Variants in CAP1 observed in about 807,000 individuals in gnomAD.
The protein encoded by CAP1 is adenylyl cyclase-associated protein 1.
CAP1 carries 11 observed loss-of-function variants against 58.2 expected under a neutral mutation model. The ratio of observed to expected loss-of-function variants is 0.19; its 90% CI spans 0.12 to 0.31. The LOEUF (loss-of-function observed/expected upper bound fraction) is 0.31, where lower values mean the gene tolerates loss of function less well. Ranked by LOEUF, CAP1 falls within the 10% of genes least tolerant of loss-of-function variation. The probability of loss-of-function intolerance (pLI) is 1.00; values close to 1 mark genes in which losing one functional copy is unlikely to be tolerated. For missense variants in CAP1, 423 were observed against 587.5 expected, an observed-to-expected ratio of 0.72 and a Z score of 2.89; for synonymous variants, 183 against 213.8, an observed-to-expected ratio of 0.86 and a Z score of 1.26.
In CAP1 at chr1:40,044,185, G is replaced by A. The variant is rs531347738; in HGVS notation, c.-11+3384G>A. On this transcript the variant is annotated intron_variant, in intron 1 of 12. Transcript: ENST00000372805. The stretch of plus-strand genomic sequence containing the variant: ...GCTTTTAAAAAGTGACTTTCTTGAG[G>A]CTGAGTTAGAGACTAGCCTGGTCAA... Among the ~76,000 whole-genome samples, 59 of 152,032 alleles carry A rather than the reference G, an allele frequency of 3.9e-4. No homozygotes were observed. In the South Asian group the frequency reaches 8.7e-3, roughly 23 times the overall value.
intron 1 of CAP1, among the ~76,000 whole-genome samples, chr1:40,048,766 A>G (rs987570385): frequency 3.9e-5 from 6 of 152,194 alleles, no homozygotes; most frequent in Admixed American, 3.3e-4. Flanking sequence ...CATTGCAGCA[A>G]ACATCTCCAT....
intron 4 of CAP1, among the ~76,000 whole-genome samples, chr1:40,062,969 C>T (rs1646918516): frequency 6.6e-6 from 1 of 151,838 alleles, no homozygotes; most frequent in African/African-American, 2.4e-5. Flanking sequence ...TGCTAAGCCC[C>T]TAATTGTTTT....
chr1:40,052,612 T>C (rs1646426065), intron 1 of CAP1, among the ~76,000 whole-genome samples: 1 of 152,142 alleles, frequency 6.6e-6, no homozygotes, highest in Non-Finnish European at 1.5e-5. Context: ...CAGGCTGGTC[T>C]TGAACTTCTG....
intron 12 of CAP1, 119 bp downstream of exon 12, chr1:40,071,098 A>C: frequency 2.2e-6 from 2 of 916,920 alleles, no homozygotes; most frequent in Non-Finnish European, 1.7e-6. Flanking sequence ...CCAATAATGC[A>C]CACCAAAAGT....
At chr1:40,041,270 A>G (rs1162679422) in intron 1 of CAP1, among the ~76,000 whole-genome samples, 6 of 152,170 alleles carry the variant, frequency 3.9e-5, no homozygotes, top group African/African-American at 1.4e-4. Flanking sequence ...GAACCTCTCT[A>G]ACTTGGGATG....
rs1647496832 is a variant in CAP1 at position 40,069,831 on chromosome 1, A to G, written c.950A>G (p.Lys317Arg). Residue 317 changes from lysine (K) to arginine (R), a missense_variant, in exon 9 of 13, where the codon AAG becomes AGG. Transcript: ENST00000372805. ...TSPSPKRATK[K>R]EPAVLELEGK... ...CCATCCCCCAAACGAGCCACAAAGA[A>G]GGAGCCAGCTGTACTTGAACTGGAG... The G allele has an allele frequency of 1.2e-6, 2 of 1,603,108 alleles. No individual in the cohort carries two copies. The highest frequency in any genetic ancestry group is 2.2e-5 in the East Asian group (1 of 44,726).
rs952944693 is a variant in CAP1, at chr1:40,060,695, A to G, written c.216+525A>G. On this transcript the variant is annotated intron_variant, in intron 3 of 12. Transcript: ENST00000372805. ...CCCCACCCCCACCCCACACTCACATATACATTCTACCTCTATTTTTGGGAC... is the reference window on the plus strand; with the variant it reads ...CCCCACCCCCACCCCACACTCACATGTACATTCTACCTCTATTTTTGGGAC... Among the ~76,000 whole-genome samples, 13 of 131,132 alleles carry G rather than the reference A, an allele frequency of 9.9e-5. No individual in the cohort carries two copies. In the South Asian group the frequency reaches 1.2e-3, roughly 12 times the overall value. 86.0% of individuals were successfully genotyped at this position (131,132 alleles called of 152,430 possible).
At chr1:40,043,486 G>A (rs992510763) in intron 1 of CAP1, among the ~76,000 whole-genome samples, 7 of 152,118 alleles carry the variant, frequency 4.6e-5, no homozygotes, top group African/African-American at 1.7e-4. Flanking sequence ...GTGAGCCTCC[G>A]CACCCGGCGT....
intron 2 of CAP1, among the ~76,000 whole-genome samples, chr1:40,059,827 ATCATTTTGTT>A (rs1570394313): frequency 6.6e-6 from 1 of 152,190 alleles, no homozygotes; most frequent in East Asian, 1.9e-4. Context: ...ACCTTGGAGG[ATCATTTTGTT>A]TATTTTCATT....
At chr1:40,062,567 T>C (rs1366263544) in intron 4 of CAP1, among the ~76,000 whole-genome samples, 1 of 152,014 alleles carries the variant, frequency 6.6e-6, no homozygotes, top group Non-Finnish European at 1.5e-5. Flanking sequence ...CTGGGCAACA[T>C]AGCAAGACCT....
chr1:40,058,872 T>C (rs1234344498), intron 1 of CAP1, among the ~76,000 whole-genome samples: 1 of 152,174 alleles, frequency 6.6e-6, no homozygotes, highest in African/African-American at 2.4e-5. Context: ...TACTGGCTTC[T>C]CTATTCACTG....
chr1:40,062,680 A>AT (rs1282994382), intron 4 of CAP1, among the ~76,000 whole-genome samples: 4 of 152,022 alleles, frequency 2.6e-5, no homozygotes, highest in Admixed American at 2.6e-4. Context: ...TGGGAGGAAG[A>AT]TTTGGGCCTG....
chr1:40,046,890 A>G (rs939137879), intron 1 of CAP1, among the ~76,000 whole-genome samples: 1 of 151,128 alleles, frequency 6.6e-6, no homozygotes, highest in African/African-American at 2.4e-5. Context: ...CTTCTGCCTC[A>G]GCCTCCTGAG....
At chr1:40,051,925 A>G (rs1570363911) in intron 1 of CAP1, among the ~76,000 whole-genome samples, 1 of 152,316 alleles carries the variant, frequency 6.6e-6, no homozygotes, top group African/African-American at 2.4e-5. Flanking sequence ...TTTAACAAAT[A>G]TAATCTACAG....
chr1:40,067,776 C>A, intron 8 of CAP1, 59 bp downstream of exon 8: 1 of 1,237,146 alleles, frequency 8.1e-7, no homozygotes, highest in African/African-American at 1.5e-5. Context: ...CCAGACCCCA[C>A]CAACCAGAAC....
At chr1:40,053,740 C>T (rs1228130565) in intron 1 of CAP1, among the ~76,000 whole-genome samples, 1 of 152,220 alleles carries the variant, frequency 6.6e-6, no homozygotes, top group Non-Finnish European at 1.5e-5. Context: ...AGCCACCGTG[C>T]CTGGCCATCT....
chr1:40,051,264 T>C (rs1646353263), intron 1 of CAP1, among the ~76,000 whole-genome samples: 1 of 152,170 alleles, frequency 6.6e-6, no homozygotes, highest in Non-Finnish European at 1.5e-5. Flanking sequence ...CTTTTAAAAA[T>C]ATAGGCTGGC....
chr1:40,052,187 T>G (rs1329783302), intron 1 of CAP1, among the ~76,000 whole-genome samples: 2 of 152,190 alleles, frequency 1.3e-5, no homozygotes, highest in African/African-American at 4.8e-5. Context: ...CATTTTACAT[T>G]TGAATTGCAT....
chr1:40,050,036 C>T (rs1646284235), intron 1 of CAP1, among the ~76,000 whole-genome samples: 1 of 152,170 alleles, frequency 6.6e-6, no homozygotes, highest in South Asian at 2.1e-4. Context: ...ATACTTTGAG[C>T]TGTCTGAATG....
Sources: allele counts gnomAD v4.1 joint callset (sites outside exome capture counted in the v4.1 genomes callset), GRCh38; gene constraint gnomAD v4.1.1; transcripts MANE v1.5; gene names NCBI Gene and HGNC (gene_info 2026-07-23, HGNC 2026-07-21).